ODAD2: variants seen among roughly 807,000 people sequenced by gnomAD.
ODAD2 encodes the protein outer dynein arm-docking complex subunit 2.
A neutral mutation model predicts 106.8 loss-of-function variants in ODAD2; 89 were observed. The observed-to-expected ratio is 0.83, with a 90% confidence interval of 0.70 to 0.99. The LOEUF is 0.99. Ranked by LOEUF, ODAD2 falls within the 50% of genes least tolerant of loss-of-function variation. The pLI, the probability that ODAD2 is intolerant of heterozygous loss-of-function variation, is 0.00. For synonymous variants in ODAD2, 404 were observed against 436.2 expected (o/e 0.93, Z 0.92); for missense variants, 1,168 against 1,238.5 (o/e 0.94, Z 0.85).
chr10:27,940,841 C>G (rs757155884), intron 12 of ODAD2, 36 bp from the exon 13 acceptor site: 11 of 1,593,724 alleles, frequency 6.9e-6, no homozygotes, highest in Non-Finnish European at 9.4e-6. Flanking sequence ...TCATGGAAAT[C>G]TTAAAAAGAA....
At chr10:27,940,399 T>C (rs750940039) in intron 13 of ODAD2, among the ~76,000 whole-genome samples, 164 bp downstream of exon 13, 2 of 152,086 alleles carry the variant, frequency 1.3e-5, no homozygotes, top group Non-Finnish European at 2.9e-5. Context: ...ATATCACAGG[T>C]ACTGATTTAA....
At chr10:27,943,721 G>A (rs1039796939) in intron 12 of ODAD2, among the ~76,000 whole-genome samples, 27 of 143,456 alleles carry the variant, frequency 1.9e-4, no homozygotes, top group African/African-American at 5.3e-4. Context: ...CTTGAACCCC[G>A]TAGGCGGAGG....
At chr10:27,989,780 G>A (rs1301439982) in intron 2 of ODAD2, among the ~76,000 whole-genome samples, 1 of 152,120 alleles carries the variant, frequency 6.6e-6, no homozygotes, top group Non-Finnish European at 1.5e-5. Flanking sequence ...CCCGGGAGGC[G>A]GGAGGATGCA....
chr10:27,898,722 T>G (rs1843001357), intron 17 of ODAD2, among the ~76,000 whole-genome samples: 1 of 152,212 alleles, frequency 6.6e-6, no homozygotes, highest in African/African-American at 2.4e-5. Flanking sequence ...GTTTTTATTT[T>G]GTTCAACATA....
chr10:27,909,507 A>G (rs1009664075), intron 16 of ODAD2, among the ~76,000 whole-genome samples: 9 of 152,214 alleles, frequency 5.9e-5, no homozygotes, highest in Middle Eastern at 6.8e-3. Flanking sequence ...TTTTGATCTC[A>G]TTACTGGTGT....
chr10:27,831,983 CACA>C (rs1300746411), intron 19 of ODAD2, among the ~76,000 whole-genome samples: 4 of 152,372 alleles, frequency 2.6e-5, no homozygotes, highest in African/African-American at 9.6e-5. Context: ...ATTGCTCCTG[CACA>C]ACATTGGACT....
chr10:27,930,538 A>C (rs781767977), intron 16 of ODAD2, among the ~76,000 whole-genome samples: 1 of 151,764 alleles, frequency 6.6e-6, no homozygotes, highest in Non-Finnish European at 1.5e-5. Flanking sequence ...AGGCTGAGAG[A>C]ATGGCGTGAA....
intron 19 of ODAD2, chr10:27,836,112 A>G (rs1837862277): frequency 6.5e-6 from 1 of 153,092 alleles, no homozygotes; most frequent in Admixed American, 6.5e-5. Context: ...GGAAATCTGC[A>G]TAAAATTGGA....
intron 19 of ODAD2, among the ~76,000 whole-genome samples, chr10:27,832,511 C>T (rs1744340227): frequency 6.6e-6 from 1 of 152,022 alleles, no homozygotes; most frequent in Admixed American, 6.6e-5. Flanking sequence ...TTTCCCCCCA[C>T]CCATGTTGTT....
chr10:27,812,627 T>C lies in ODAD2; in HGVS notation c.3022-2A>G. On this transcript the variant is annotated splice_acceptor_variant, in intron 19 of 19. Coordinates refer to ENST00000305242, the MANE Select transcript of ODAD2 (RefSeq NM_018076.5). LOFTEE classifies it high-confidence loss of function. ...GGACCCAACCATATCCAGTAGAAGC[T>C]GTCACACATAAGGAGGAGAAGAAGG... The C allele has an allele frequency of 1.3e-6, 2 of 1,587,070 alleles. No homozygotes were observed. The highest frequency in any genetic ancestry group is 1.7e-6 in the Non-Finnish European group (2 of 1,172,388).
At chr10:27,937,399 A>G (rs148625218) in intron 14 of ODAD2, among the ~76,000 whole-genome samples, 1,809 of 143,398 alleles carry the variant, frequency 0.013, 36 homozygotes, top group African/African-American at 0.045. Flanking sequence ...GTGCAGTGGC[A>G]TGATCTCGAC....
intron 19 of ODAD2, among the ~76,000 whole-genome samples, chr10:27,851,679 C>T (rs981913709): frequency 2.0e-5 from 3 of 151,996 alleles, no homozygotes; most frequent in Non-Finnish European, 4.4e-5. Flanking sequence ...TGTGGGAAAA[C>T]GTTTACCTAT....
intron 7 of ODAD2, among the ~76,000 whole-genome samples, chr10:27,975,146 G>A (rs1338253415): frequency 1.3e-5 from 2 of 152,102 alleles, no homozygotes; most frequent in Non-Finnish European, 1.5e-5. Context: ...CAGCTTTTGG[G>A]CTGAGGATCC....
chr10:27,845,337 G>A (rs1838651758), intron 19 of ODAD2, among the ~76,000 whole-genome samples: 1 of 152,094 alleles, frequency 6.6e-6, no homozygotes, highest in South Asian at 2.1e-4. Context: ...CATAAGTGAA[G>A]GAGAAATAAA....
chr10:27,815,836 C>G (rs1836090816), intron 19 of ODAD2, among the ~76,000 whole-genome samples: 1 of 152,184 alleles, frequency 6.6e-6, no homozygotes, highest in South Asian at 2.1e-4. Context: ...ATCTCCACCC[C>G]AGAAACCTCT....
intron 16 of ODAD2, among the ~76,000 whole-genome samples, chr10:27,915,935 A>C (rs1040790262): frequency 6.6e-6 from 1 of 152,170 alleles, no homozygotes; most frequent in Non-Finnish European, 1.5e-5. Context: ...GTGAGCCAAC[A>C]AGGTTGTTTT....
intron 17 of ODAD2, among the ~76,000 whole-genome samples, chr10:27,879,324 A>C (rs75211000): frequency 0.019 from 2,878 of 152,206 alleles, 99 homozygotes; most frequent in African/African-American, 0.066. Flanking sequence ...AGAACTTTAT[A>C]ACAAGTATAA....
chr10:27,902,256 G>A (rs756713541), intron 17 of ODAD2, among the ~76,000 whole-genome samples: 9 of 152,158 alleles, frequency 5.9e-5, no homozygotes, highest in African/African-American at 9.6e-5. Context: ...CTTTGAAATC[G>A]ATGAGAACAA....
intron 7 of ODAD2, among the ~76,000 whole-genome samples, chr10:27,977,148 G>A (rs1849241803): frequency 6.6e-6 from 1 of 152,018 alleles, no homozygotes. Context: ...AGAAAACATT[G>A]GAGAAATTCA....
Sources: gnomAD v4.1 joint callset for allele counts (sites outside exome capture counted in the v4.1 genomes callset) on GRCh38, gnomAD v4.1.1 for gene constraint, MANE v1.5 for transcripts, NCBI Gene and HGNC (gene_info 2026-07-23, HGNC 2026-07-21) for gene names.